KCNH8: variants seen among roughly 807,000 people sequenced by gnomAD.
KCNH8 encodes potassium voltage-gated channel subfamily H member 8.
Under a neutral mutation model 103.6 loss-of-function variants are expected in KCNH8, and 70 were observed. The observed-to-expected ratio is 0.68, with a 90% CI of 0.56 to 0.82. The LOEUF (loss-of-function observed/expected upper bound fraction) is 0.82. Ranked by LOEUF, KCNH8 falls within the 40% of genes least tolerant of loss-of-function variation. The pLI, the probability that KCNH8 is intolerant of heterozygous loss-of-function variation, is 0.00. For synonymous variants in KCNH8, 498 were observed against 489.4 expected (o/e 1.02, Z -0.23); for missense variants, 1,217 against 1,329.9 (o/e 0.92, Z 1.32).
intron 3 of KCNH8, among the ~76,000 whole-genome samples, chr3:19,333,951 T>C (rs1469409239): frequency 1.3e-5 from 2 of 152,120 alleles, no homozygotes; most frequent in Admixed American, 1.3e-4. Flanking sequence ...AGCAGCACTT[T>C]TGGGATACAA....
intron 7 of KCNH8, among the ~76,000 whole-genome samples, chr3:19,430,499 G>T (rs945716767): frequency 6.6e-6 from 1 of 151,940 alleles, no homozygotes; most frequent in Non-Finnish European, 1.5e-5. Flanking sequence ...TTTAAAAATA[G>T]TTTTCTTCTA....
chr3:19,358,934 A>T (rs1407369964), intron 5 of KCNH8, among the ~76,000 whole-genome samples: 1 of 151,944 alleles, frequency 6.6e-6, no homozygotes, highest in African/African-American at 2.4e-5. Flanking sequence ...CTAAGGAAAT[A>T]TGAAATATTA....
At chr3:19,328,774 C>T (rs934573938) in intron 3 of KCNH8, among the ~76,000 whole-genome samples, 4 of 152,014 alleles carry the variant, frequency 2.6e-5, no homozygotes, top group East Asian at 1.9e-4. Context: ...AACTCCTAAC[C>T]GATATTTGAC....
chr3:19,502,293 A>C (rs2068601929), intron 11 of KCNH8, among the ~76,000 whole-genome samples: 1 of 151,368 alleles, frequency 6.6e-6, no homozygotes, highest in African/African-American at 2.4e-5. Flanking sequence ...AAATGGAAGA[A>C]CATTCCATGC....
rs147073505 is a variant in KCNH8, at chr3:19,399,802, G to A, written c.1177+4491G>A. Among the ~76,000 whole-genome samples, 752 of 152,032 alleles carry A rather than the reference G, an allele frequency of 4.9e-3. 6 individuals are homozygous for A. Among genetic ancestry groups the A allele is most frequent in the African/African-American group, 0.017 (722 of 41,504 alleles). On this transcript the variant is annotated intron_variant, in intron 7 of 15. Transcript: ENST00000328405. ...CAATACTCTTAAAGTCTAGTGAAGAGGTGATATTTTTGTATCAGTCATGAT... is the reference window on the plus strand; with the variant it reads ...CAATACTCTTAAAGTCTAGTGAAGAAGTGATATTTTTGTATCAGTCATGAT...
chr3:19,377,806 C>T (rs530296915), intron 5 of KCNH8, among the ~76,000 whole-genome samples: 1 of 152,118 alleles, frequency 6.6e-6, no homozygotes, highest in Non-Finnish European at 1.5e-5. Context: ...ATTTTCAAGA[C>T]CAACCATCAA....
chr3:19,216,868 A>G (rs7427695), intron 1 of KCNH8, among the ~76,000 whole-genome samples: 15,332 of 152,226 alleles, frequency 0.1, 2,596 homozygotes, highest in African/African-American at 0.34. Context: ...CAGATCCAGG[A>G]CGCCGATGCT....
intron 1 of KCNH8, among the ~76,000 whole-genome samples, chr3:19,191,167 T>G (rs1278854482): frequency 3.3e-5 from 5 of 151,884 alleles, no homozygotes; most frequent in African/African-American, 9.7e-5. Context: ...CTAGTATATG[T>G]GTGTACTTCC....
intron 5 of KCNH8, among the ~76,000 whole-genome samples, chr3:19,363,769 G>A (rs2065975981): frequency 6.6e-6 from 1 of 151,966 alleles, no homozygotes; most frequent in African/African-American, 2.4e-5. Context: ...AAACATCAGT[G>A]GGCCCTGAAA....
chr3:19,507,638 C>A (rs899682316), intron 11 of KCNH8, among the ~76,000 whole-genome samples: 6 of 152,066 alleles, frequency 3.9e-5, no homozygotes, highest in African/African-American at 1.4e-4. Context: ...CAGGTGGGGA[C>A]AGGGTAGTTG....
intron 1 of KCNH8, among the ~76,000 whole-genome samples, chr3:19,222,003 A>G (rs906098184): frequency 6.6e-6 from 1 of 152,090 alleles, no homozygotes; most frequent in Non-Finnish European, 1.5e-5. Context: ...ACGTGCCACC[A>G]CACCAGGCTA....
intron 1 of KCNH8, among the ~76,000 whole-genome samples, chr3:19,199,981 G>A (rs149580195): frequency 1.3e-5 from 2 of 152,092 alleles, no homozygotes; most frequent in East Asian, 1.9e-4. Flanking sequence ...CCTATGTGAC[G>A]TGAATATCTT....
intron 1 of KCNH8, among the ~76,000 whole-genome samples, chr3:19,231,685 C>T (rs1458633227): frequency 6.6e-6 from 1 of 152,048 alleles, no homozygotes; most frequent in Non-Finnish European, 1.5e-5. Context: ...CCTTTCTACC[C>T]CATGGTATTC....
intron 1 of KCNH8, among the ~76,000 whole-genome samples, chr3:19,187,362 A>C (rs1050673785): frequency 1.3e-5 from 2 of 151,998 alleles, no homozygotes; most frequent in African/African-American, 2.4e-5. Context: ...ATCTATGCAT[A>C]TATATAATAT....
chr3:19,345,158 G>A (rs1364020083), intron 4 of KCNH8, among the ~76,000 whole-genome samples: 4 of 152,000 alleles, frequency 2.6e-5, no homozygotes, highest in African/African-American at 9.7e-5. Flanking sequence ...TTGTTATTCT[G>A]TCAATCAAAT....
intron 3 of KCNH8, among the ~76,000 whole-genome samples, chr3:19,327,443 C>T (rs765670933): frequency 7.2e-5 from 11 of 152,102 alleles, no homozygotes; most frequent in Non-Finnish European, 1.5e-4. Context: ...GCACACACAA[C>T]CATGTCTGGC....
At chr3:19,388,929 G>A (rs1355748794) in intron 5 of KCNH8, among the ~76,000 whole-genome samples, 1 of 152,036 alleles carries the variant, frequency 6.6e-6, no homozygotes, top group African/African-American at 2.4e-5. Context: ...ATCTGTAAAA[G>A]GAGATAATAG....
intron 7 of KCNH8, among the ~76,000 whole-genome samples, chr3:19,431,834 G>A (rs2067127042): frequency 6.6e-6 from 1 of 151,968 alleles, no homozygotes; most frequent in African/African-American, 2.4e-5. Context: ...TTTTCGTGGG[G>A]TCAGTGGTAA....
Position 19,356,220 on chromosome 3 carries a change from A to G in KCNH8, c.811+8255A>G, listed in dbSNP as rs191046338. Among the ~76,000 whole-genome samples, 213 of 152,118 alleles carry G rather than the reference A, an allele frequency of 1.4e-3. 2 individuals carry two copies. Among genetic ancestry groups the G allele is most frequent in the Middle Eastern group, 3.4e-3 (1 of 294 alleles). ...TGATATATCTCTTTTGGAGAGTCACAATACACTTTGGCACTGTAGGTCTTC... is the reference window on the plus strand; with the variant it reads ...TGATATATCTCTTTTGGAGAGTCACGATACACTTTGGCACTGTAGGTCTTC... On this transcript the variant is annotated intron_variant, in intron 5 of 15. Coordinates refer to ENST00000328405, the MANE Select transcript of KCNH8 (RefSeq NM_144633.3).
Sources: gnomAD v4.1 joint callset for allele counts (sites outside exome capture counted in the v4.1 genomes callset) on GRCh38, gnomAD v4.1.1 for gene constraint, MANE v1.5 for transcripts, NCBI Gene and HGNC (gene_info 2026-07-23, HGNC 2026-07-21) for gene names.